The following CCDC148 variants were observed in gnomAD, a reference collection of about 807,000 sequenced individuals.
CCDC148 encodes coiled-coil domain containing 148.
Under a neutral mutation model 85.7 loss-of-function variants are expected in CCDC148, and 89 were observed. The ratio of observed to expected loss-of-function variants is 1.04; its 90% confidence interval spans 0.87 to 1.24. The LOEUF (loss-of-function observed/expected upper bound fraction) is 1.24. Ranked by LOEUF, CCDC148 falls within the 50% of genes most tolerant of loss-of-function variation. The pLI is 0.00. For missense variants in CCDC148, 692 were observed against 671.7 expected, an observed-to-expected ratio of 1.03 and a Z score of -0.33; for synonymous variants, 230 against 213.9, an observed-to-expected ratio of 1.08 and a Z score of -0.66.
chr2:158,456,304 A>G, intron 1 of CCDC148, 111 bp downstream of exon 1: 1 of 1,073,736 alleles, frequency 9.3e-7, no homozygotes, highest in Non-Finnish European at 1.4e-6. Flanking sequence ...TTGAGGAAAG[A>G]TCCACCCCAG....
At chr2:158,225,234 C>A (rs948106121) in intron 10 of CCDC148, among the ~76,000 whole-genome samples, 1 of 152,162 alleles carries the variant, frequency 6.6e-6, no homozygotes, top group Non-Finnish European at 1.5e-5. Flanking sequence ...GTAAAGGGAT[C>A]AATTCAACAA....
intron 1 of CCDC148, among the ~76,000 whole-genome samples, chr2:158,448,630 C>T (rs534300132): frequency 1.3e-3 from 192 of 152,242 alleles, no homozygotes; most frequent in African/African-American, 4.4e-3. Flanking sequence ...AGGCATGAGC[C>T]ACTGCACCCG....
intron 13 of CCDC148, among the ~76,000 whole-genome samples, chr2:158,175,333 C>T (rs1684526406): frequency 1.2e-4 from 2 of 17,024 alleles, no homozygotes; most frequent in Admixed American, 9.7e-4. Context: ...CCCCCACAAC[C>T]TATTTTTGTT....
At chr2:158,315,867 T>G (rs1264409407) in intron 7 of CCDC148, among the ~76,000 whole-genome samples, 4 of 152,142 alleles carry the variant, frequency 2.6e-5, no homozygotes, top group Admixed American at 2.6e-4. Context: ...CCTACTTGCC[T>G]CCAGAGAGGA....
At chr2:158,243,964 C>T (rs1688457625) in intron 10 of CCDC148, among the ~76,000 whole-genome samples, 1 of 152,012 alleles carries the variant, frequency 6.6e-6, no homozygotes, top group South Asian at 2.1e-4. Flanking sequence ...CATCTAACTG[C>T]AGGACATGAC....
intron 8 of CCDC148, among the ~76,000 whole-genome samples, chr2:158,310,643 G>A (rs1433906909): frequency 3.3e-5 from 5 of 150,650 alleles, no homozygotes; most frequent in East Asian, 2.0e-4. Context: ...GTTCCCAGAC[G>A]GGGTCGTGGC....
At chr2:158,175,425 C>G (rs150297585) in intron 13 of CCDC148, among the ~76,000 whole-genome samples, 6 of 152,168 alleles carry the variant, frequency 3.9e-5, no homozygotes, top group South Asian at 2.1e-4. Context: ...GAAGTTTCCT[C>G]TCTGACACCT....
chr2:158,424,013 T>C (rs963972533), intron 1 of CCDC148, among the ~76,000 whole-genome samples: 12 of 152,250 alleles, frequency 7.9e-5, no homozygotes, highest in African/African-American at 2.9e-4. Flanking sequence ...AAAACCACAA[T>C]GAGATACTAT....
At chr2:158,342,841 T>A (rs1198909059) in intron 3 of CCDC148, among the ~76,000 whole-genome samples, 1 of 152,156 alleles carries the variant, frequency 6.6e-6, no homozygotes, top group Non-Finnish European at 1.5e-5. Context: ...AGAAAGCGCC[T>A]CTGGAAAAGT....
At chr2:158,252,638 CCT>C (rs1298359475) in intron 9 of CCDC148, among the ~76,000 whole-genome samples, 5 of 151,734 alleles carry the variant, frequency 3.3e-5, no homozygotes, top group African/African-American at 4.8e-5. Flanking sequence ...ATTTCTCTCC[CCT>C]GTTTCTCTAC....
chr2:158,328,884 G>T (rs1325963701), intron 7 of CCDC148, among the ~76,000 whole-genome samples: 2 of 151,458 alleles, frequency 1.3e-5, no homozygotes, highest in African/African-American at 4.9e-5. Context: ...TTGTAAATTT[G>T]TTGGAGTTCA....
chr2:158,342,026 C>CTTTTTTTTTTTTTTTTTT (rs1159799812), intron 3 of CCDC148, among the ~76,000 whole-genome samples: 3 of 62,658 alleles, frequency 4.8e-5, no homozygotes, highest in Non-Finnish European at 8.0e-5. Flanking sequence ...ATTTTCTTTT[C>CTTTTTTTTTTTTTTTTTT]TTTTTTTTTT....
chr2:158,301,660 G>A (rs1354361163), intron 9 of CCDC148, among the ~76,000 whole-genome samples: 4 of 152,184 alleles, frequency 2.6e-5, no homozygotes, highest in Non-Finnish European at 4.4e-5. Context: ...AAATATACAG[G>A]AAGACTAAGA....
intron 1 of CCDC148, among the ~76,000 whole-genome samples, chr2:158,455,257 T>G (rs1034905071): frequency 1.3e-5 from 2 of 152,218 alleles, no homozygotes; most frequent in African/African-American, 4.8e-5. Context: ...CAGCACTTCC[T>G]GGCCCCTGCT....
At chr2:158,257,445 A>G (rs754197734) in intron 9 of CCDC148, among the ~76,000 whole-genome samples, 7 of 151,802 alleles carry the variant, frequency 4.6e-5, no homozygotes. Context: ...CTGTTTTTCA[A>G]TATTACCTAC....
chr2:158,331,524 C>T (rs528071703), intron 7 of CCDC148, among the ~76,000 whole-genome samples: 39 of 152,086 alleles, frequency 2.6e-4, no homozygotes, highest in South Asian at 1.2e-3. Context: ...CTATTATGTC[C>T]GCTTGGTGCA....
intron 2 of CCDC148, among the ~76,000 whole-genome samples, chr2:158,356,745 G>T (rs958070377): frequency 5.5e-5 from 8 of 146,016 alleles, no homozygotes; most frequent in African/African-American, 1.3e-4. Flanking sequence ...ATACCCAAAG[G>T]ACTATAAATC....
intron 9 of CCDC148, among the ~76,000 whole-genome samples, chr2:158,300,459 A>C (rs1691389570): frequency 6.6e-6 from 1 of 152,190 alleles, no homozygotes; most frequent in South Asian, 2.1e-4. Flanking sequence ...ATGTACCAGG[A>C]GTTAGGGAGA....
intron 9 of CCDC148, among the ~76,000 whole-genome samples, chr2:158,270,322 AC>A (rs1210952171): frequency 1.3e-5 from 2 of 152,180 alleles, no homozygotes; most frequent in African/African-American, 4.8e-5. Context: ...TTGGTCTCAT[AC>A]AGAAGCGGGG....
Sources: gnomAD v4.1 joint callset for allele counts (sites outside exome capture counted in the v4.1 genomes callset) on GRCh38, gnomAD v4.1.1 for gene constraint, MANE v1.5 for transcripts, NCBI Gene and HGNC (gene_info 2026-07-23, HGNC 2026-07-21) for gene names.